Variants in RGS6 observed in about 807,000 individuals in gnomAD.
RGS6 encodes the protein regulator of G protein signaling 6.
Under a neutral mutation model 78.5 loss-of-function variants are expected in RGS6, and 30 were observed. That is an observed-to-expected ratio of 0.38 (90% CI 0.29 to 0.52). The LOEUF is 0.52. Among genes scored for constraint, RGS6 ranks in the 20% least tolerant of loss-of-function variants. The probability of loss-of-function intolerance (pLI) is 0.85; values close to 1 mark genes in which losing one functional copy is unlikely to be tolerated. For synonymous variants in RGS6, 206 were observed against 206.0 expected, an observed-to-expected ratio of 1.00 and a Z score of 0.00; for missense variants, 495 against 609.7, an observed-to-expected ratio of 0.81 and a Z score of 1.98.
chr14:72,204,452 TCA>T (rs2042273745), intron 2 of RGS6, among the ~76,000 whole-genome samples: 2 of 152,180 alleles, frequency 1.3e-5, no homozygotes, highest in South Asian at 4.1e-4. Flanking sequence ...GTAACCTGCC[TCA>T]GTTTCAACCT....
At chr14:72,143,171 C>T (rs1027235823) in intron 2 of RGS6, among the ~76,000 whole-genome samples, 2 of 151,988 alleles carry the variant, frequency 1.3e-5, no homozygotes, top group South Asian at 4.1e-4. Flanking sequence ...TGTTTGAGAC[C>T]AGCCTGACCA....
At chr14:71,970,446 T>C (rs2093733228) in intron 2 of RGS6, among the ~76,000 whole-genome samples, 1 of 152,222 alleles carries the variant, frequency 6.6e-6, no homozygotes, top group Non-Finnish European at 1.5e-5. Flanking sequence ...GGTTTAGGCA[T>C]ACATCCAGAA....
intron 2 of RGS6, among the ~76,000 whole-genome samples, chr14:71,969,593 T>C (rs1347634479): frequency 6.6e-6 from 1 of 152,248 alleles, no homozygotes; most frequent in East Asian, 1.9e-4. Flanking sequence ...TTCCTGATTC[T>C]ACTTCTTGTT....
the RGS6 span, among the ~76,000 whole-genome samples, chr14:71,867,609 ATGTCTTCGAGAGGGG>A: frequency 6.6e-6 from 1 of 152,172 alleles, no homozygotes; most frequent in African/African-American, 2.4e-5. Context: ...CAACATGGGA[ATGTCTTCGAGAGGGG>A]TAGGCTGGCA....
intron 17 of RGS6, among the ~76,000 whole-genome samples, chr14:72,545,214 A>C (rs1387082943): frequency 6.6e-6 from 1 of 152,232 alleles, no homozygotes; most frequent in East Asian, 1.9e-4. Flanking sequence ...GGTCACAAAC[A>C]TTAGTGCCAG....
At chr14:72,004,057 T>C (rs1290679807) in intron 2 of RGS6, among the ~76,000 whole-genome samples, 1 of 152,176 alleles carries the variant, frequency 6.6e-6, no homozygotes, top group African/African-American at 2.4e-5. Context: ...TTAATTGGTA[T>C]GGGGTAAGAG....
chr14:72,567,216 C>T (rs1228216082), downstream of RGS6, among the ~76,000 whole-genome samples: 3 of 152,200 alleles, frequency 2.0e-5, no homozygotes, highest in Non-Finnish European at 4.4e-5. Flanking sequence ...ACTCATCTTT[C>T]AATCCCTGGG....
At chr14:72,165,292 T>A (rs1223698002) in intron 2 of RGS6, among the ~76,000 whole-genome samples, 1 of 152,208 alleles carries the variant, frequency 6.6e-6, no homozygotes, top group African/African-American at 2.4e-5. Context: ...CCGGAGAACA[T>A]CTACCCAACA....
intron 3 of RGS6, among the ~76,000 whole-genome samples, chr14:72,452,794 G>T (rs1348949003): frequency 1.3e-5 from 2 of 152,206 alleles, no homozygotes; most frequent in African/African-American, 4.8e-5. Flanking sequence ...GAGATCTTTG[G>T]GTGGCAAAGG....
chr14:72,121,037 A>T (rs1039247673), intron 2 of RGS6, among the ~76,000 whole-genome samples: 4 of 152,170 alleles, frequency 2.6e-5, no homozygotes, highest in Non-Finnish European at 5.9e-5. Flanking sequence ...ACTAGCAGCT[A>T]GAACTTAGGT....
At chr14:71,917,891 C>T in the RGS6 span, among the ~76,000 whole-genome samples, 1 of 152,012 alleles carries the variant, frequency 6.6e-6, no homozygotes, top group Non-Finnish European at 1.5e-5. Context: ...TTAAGCTTCT[C>T]GGCCGGGCGC....
At chr14:72,398,654 T>C (rs1159912108) in intron 3 of RGS6, among the ~76,000 whole-genome samples, 2 of 152,204 alleles carry the variant, frequency 1.3e-5, no homozygotes, top group Non-Finnish European at 2.9e-5. Context: ...AGGGTGTCAA[T>C]TTTAGACCTT....
chr14:72,078,616 A>G (rs747431701), intron 2 of RGS6, among the ~76,000 whole-genome samples: 2 of 151,980 alleles, frequency 1.3e-5, no homozygotes, highest in Non-Finnish European at 2.9e-5. Context: ...GGGTTTCACT[A>G]TACGTTAGCC....
Position 72,248,588 on chromosome 14 carries a change from G to A in RGS6, c.85-103507G>A, listed in dbSNP as rs895054259. On this transcript the variant is annotated intron_variant, in intron 2 of 17. Transcript: ENST00000553525. ...TTGAGAACTTCTATCTTAGGCCAAA[G>A]CAGAGATTTTTAGAAACATATTCTT... Among the ~76,000 whole-genome samples the A allele has an allele frequency of 2.6e-5, 4 of 152,202 alleles. 1 individual carries two copies. In the South Asian group the frequency reaches 6.2e-4, roughly 24 times the overall value.
the RGS6 span, among the ~76,000 whole-genome samples, chr14:71,916,937 GA>G: frequency 6.6e-6 from 1 of 152,156 alleles, no homozygotes; most frequent in Non-Finnish European, 1.5e-5. Context: ...GAAAACCTTA[GA>G]GTGTACACAG....
intron 3 of RGS6, among the ~76,000 whole-genome samples, chr14:72,452,133 T>G (rs186596721): frequency 9.2e-5 from 14 of 152,340 alleles, no homozygotes; most frequent in Admixed American, 7.2e-4. Context: ...ATTTGATTTC[T>G]GCTTTGTTCT....
At chr14:72,410,171 G>A (rs960982860) in intron 3 of RGS6, among the ~76,000 whole-genome samples, 7 of 152,218 alleles carry the variant, frequency 4.6e-5, no homozygotes, top group Admixed American at 4.6e-4. Context: ...CTAGTTTACA[G>A]TCCCACCAAC....
chr14:71,964,938 C>A, intron 2 of RGS6, 63 bp downstream of exon 2: 1 of 1,249,728 alleles, frequency 8.0e-7, no homozygotes, highest in South Asian at 1.6e-5. Context: ...CTGTGTAGGG[C>A]TGATAAAAAG....
At chr14:71,951,451 C>T (rs1258672415) in intron 1 of RGS6, among the ~76,000 whole-genome samples, 1 of 152,098 alleles carries the variant, frequency 6.6e-6, no homozygotes, top group Non-Finnish European at 1.5e-5. Flanking sequence ...ATAGCTAATA[C>T]ATGCTGGGCT....
Sources: allele counts gnomAD v4.1 joint callset (sites outside exome capture counted in the v4.1 genomes callset), GRCh38; gene constraint gnomAD v4.1.1; transcripts MANE v1.5; gene names NCBI Gene and HGNC (gene_info 2026-07-23, HGNC 2026-07-21).